NRG3: variants seen among roughly 807,000 people sequenced by gnomAD.
NRG3 encodes pro-neuregulin-3, membrane-bound isoform.
In NRG3, 31 loss-of-function variants were observed where a neutral mutation model predicts 66.9. That is an observed-to-expected ratio of 0.46 (90% confidence interval 0.35 to 0.63). The LOEUF (loss-of-function observed/expected upper bound fraction) is 0.63. NRG3 is among the 20% of genes least tolerant of loss of function. The pLI is 0.00. For synonymous variants in NRG3, 393 were observed against 359.4 expected, an observed-to-expected ratio of 1.09 and a Z score of -1.06; for missense variants, 910 against 878.9, an observed-to-expected ratio of 1.04 and a Z score of -0.45.
intron 2 of NRG3, among the ~76,000 whole-genome samples, chr10:82,485,601 C>T (rs1049458160): frequency 4.6e-5 from 7 of 151,462 alleles, no homozygotes; most frequent in African/African-American, 1.7e-4. Flanking sequence ...TGGCAAAGAG[C>T]AAGATACCCT....
At chr10:82,393,273 G>T (rs978532721) in intron 2 of NRG3, among the ~76,000 whole-genome samples, 1 of 152,074 alleles carries the variant, frequency 6.6e-6, no homozygotes, top group Non-Finnish European at 1.5e-5. Flanking sequence ...GTCTTAATTG[G>T]ATTATGCTGA....
chr10:82,814,725 G>A (rs1006725508), intron 3 of NRG3, among the ~76,000 whole-genome samples: 1 of 152,126 alleles, frequency 6.6e-6, no homozygotes, highest in Non-Finnish European at 1.5e-5. Context: ...AATTTCACAT[G>A]TATTTTCTGT....
At chr10:82,234,989 C>T (rs181172245) in intron 1 of NRG3, among the ~76,000 whole-genome samples, 96 of 152,368 alleles carry the variant, frequency 6.3e-4, no homozygotes, top group Middle Eastern at 3.4e-3. Context: ...TTAGTCTCAA[C>T]TTACAACTGC....
chr10:81,995,689 G>A (rs997492360), intron 1 of NRG3, among the ~76,000 whole-genome samples: 3 of 152,100 alleles, frequency 2.0e-5, no homozygotes, highest in African/African-American at 7.2e-5. Flanking sequence ...TACTTCCTAT[G>A]AGTGTCTGGA....
chr10:82,098,308 A>C (rs2066497547), intron 1 of NRG3, among the ~76,000 whole-genome samples: 1 of 151,152 alleles, frequency 6.6e-6, no homozygotes, highest in African/African-American at 2.4e-5. Flanking sequence ...TCATATATAT[A>C]GATATAGATG....
intron 2 of NRG3, among the ~76,000 whole-genome samples, chr10:82,660,307 A>AT (rs992334091): frequency 1.5e-4 from 22 of 142,818 alleles, no homozygotes; most frequent in Admixed American, 2.2e-4. Flanking sequence ...CAGGTTTGCT[A>AT]TTTTTTCATT....
intron 1 of NRG3, among the ~76,000 whole-genome samples, chr10:82,109,243 C>T (rs1590146665): frequency 2.6e-5 from 4 of 152,178 alleles, no homozygotes; most frequent in Admixed American, 2.6e-4. Context: ...GGCTCTTGGT[C>T]TTAGGGAGCA....
intron 2 of NRG3, among the ~76,000 whole-genome samples, chr10:82,590,281 T>C (rs2046906550): frequency 6.6e-6 from 1 of 152,196 alleles, no homozygotes; most frequent in African/African-American, 2.4e-5. Flanking sequence ...TAATCTTGAA[T>C]AGGCATGTTT....
chr10:82,945,190 G>A (rs899817619), intron 4 of NRG3, among the ~76,000 whole-genome samples: 17 of 152,122 alleles, frequency 1.1e-4, no homozygotes, highest in Non-Finnish European at 1.9e-4. Flanking sequence ...ATAAAACCAG[G>A]CAGCATACCA....
At chr10:81,935,146 G>A (rs1355622635) in intron 1 of NRG3, among the ~76,000 whole-genome samples, 1 of 152,192 alleles carries the variant, frequency 6.6e-6, no homozygotes, top group Non-Finnish European at 1.5e-5. Context: ...GGTTTAAAGT[G>A]TAGAGGAACA....
At chr10:82,705,017 A>G (rs1005166029) in intron 2 of NRG3, among the ~76,000 whole-genome samples, 1 of 152,232 alleles carries the variant, frequency 6.6e-6, no homozygotes, top group Non-Finnish European at 1.5e-5. Flanking sequence ...AATTGATAAT[A>G]GTGTTCACAA....
chr10:82,247,100 A>G (rs76130402), intron 1 of NRG3, among the ~76,000 whole-genome samples: 1,930 of 152,272 alleles, frequency 0.013, 19 homozygotes, highest in Non-Finnish European at 0.019. Context: ...GAGGGGAAAC[A>G]TTGTTCTCCT....
intron 1 of NRG3, among the ~76,000 whole-genome samples, chr10:82,020,019 A>T (rs1252533696): frequency 6.6e-6 from 1 of 151,836 alleles, no homozygotes; most frequent in Admixed American, 6.6e-5. Flanking sequence ...AGTTCTTTTA[A>T]TTGTGATGTT....
intron 1 of NRG3, among the ~76,000 whole-genome samples, chr10:82,227,105 A>G (rs1372563992): frequency 6.6e-6 from 1 of 152,164 alleles, no homozygotes; most frequent in East Asian, 1.9e-4. Flanking sequence ...CTCATGGTCC[A>G]GACATGAGAA....
chr10:82,441,593 C>G (rs192327034), intron 2 of NRG3, among the ~76,000 whole-genome samples: 1 of 152,190 alleles, frequency 6.6e-6, no homozygotes, highest in South Asian at 2.1e-4. Context: ...TGAACCGGCC[C>G]GCACAGCGAT....
chr10:82,087,729 A>G (rs2065808194), intron 1 of NRG3, among the ~76,000 whole-genome samples: 1 of 152,182 alleles, frequency 6.6e-6, no homozygotes, highest in African/African-American at 2.4e-5. Flanking sequence ...CATATGAAAT[A>G]TGTAATCCTT....
chr10:82,058,375 A>G (rs1268070899), intron 1 of NRG3, among the ~76,000 whole-genome samples: 1 of 152,012 alleles, frequency 6.6e-6, no homozygotes, highest in Non-Finnish European at 1.5e-5. Flanking sequence ...TTCCATGCTT[A>G]GAAAATTGTC....
intron 1 of NRG3, among the ~76,000 whole-genome samples, chr10:82,235,425 C>T (rs1406118157): frequency 6.6e-6 from 1 of 152,164 alleles, no homozygotes; most frequent in Non-Finnish European, 1.5e-5. Flanking sequence ...TCTATTTATA[C>T]ATTATTAATT....
chr10:82,872,127 T>C (rs1380678067), intron 4 of NRG3, among the ~76,000 whole-genome samples: 2 of 152,288 alleles, frequency 1.3e-5, no homozygotes, highest in Admixed American at 1.3e-4. Context: ...AAATGGGTGT[T>C]GGATTTTGTC....
Sources: allele counts gnomAD v4.1 joint callset (sites outside exome capture counted in the v4.1 genomes callset), GRCh38; gene constraint gnomAD v4.1.1; transcripts MANE v1.5; gene names NCBI Gene and HGNC (gene_info 2026-07-23, HGNC 2026-07-21).